The following CCDC171 variants were observed in gnomAD, a reference collection of about 807,000 sequenced individuals.
CCDC171 encodes coiled-coil domain-containing protein 171.
CCDC171 carries 177 observed loss-of-function variants against 168.2 expected under a neutral mutation model. The ratio of observed to expected loss-of-function variants is 1.05; its 90% CI spans 0.93 to 1.19. The LOEUF (loss-of-function observed/expected upper bound fraction) is 1.19. CCDC171 is among the 50% of genes most tolerant of loss of function. The probability of loss-of-function intolerance (pLI) is 0.00; values close to 1 mark genes in which losing one functional copy is unlikely to be tolerated. For missense variants in CCDC171, 1,991 were observed against 1,539.0 expected (o/e 1.29, Z -4.91); for synonymous variants, 687 against 540.8 (o/e 1.27, Z -3.75).
chr9:16,095,869 CATATATAT>C, the CCDC171 span, among the ~76,000 whole-genome samples: 3,976 of 123,822 alleles, frequency 0.032, 236 homozygotes, highest in African/African-American at 0.11. Flanking sequence ...CACATAGGCA[CATATATAT>C]ATATATATAT....
At chr9:15,556,849 T>C (rs2038843463) in intron 1 of CCDC171, among the ~76,000 whole-genome samples, 1 of 152,172 alleles carries the variant, frequency 6.6e-6, no homozygotes, top group African/African-American at 2.4e-5. Context: ...GCCTAGATTT[T>C]CTTCTAGGGT....
chr9:15,777,327 A>C lies in CCDC171; in HGVS notation c.2672-273A>C, dbSNP rs553735206. ...TGTTAGGTTTTAAAACAAAGAAAAG[A>C]GTGATGAATTTTTAGTGTCATGCTA... On this transcript the variant is annotated intron_variant, in intron 18 of 25. Transcript: ENST00000380701. Among the ~76,000 whole-genome samples, 247 of 152,338 alleles carry C rather than the reference A, an allele frequency of 1.6e-3. 2 individuals are homozygous for C. The highest frequency in any genetic ancestry group is 3.4e-3 in the Middle Eastern group (1 of 294).
intron 1 of CCDC171, among the ~76,000 whole-genome samples, chr9:15,558,249 C>G (rs1479342271): frequency 6.6e-6 from 1 of 152,122 alleles, no homozygotes; most frequent in Non-Finnish European, 1.5e-5. Flanking sequence ...ATGCTGGCCT[C>G]ATAAAATGAA....
At chr9:15,701,319 A>G (rs1217422940) in intron 11 of CCDC171, among the ~76,000 whole-genome samples, 3 of 152,094 alleles carry the variant, frequency 2.0e-5, no homozygotes, top group Non-Finnish European at 4.4e-5. Flanking sequence ...CTTTGCCTAG[A>G]TCAGTGTCCT....
chr9:15,891,168 A>G (rs533966643), intron 24 of CCDC171, among the ~76,000 whole-genome samples: 25 of 152,324 alleles, frequency 1.6e-4, no homozygotes, highest in African/African-American at 5.8e-4. Flanking sequence ...ATTCATAAAT[A>G]AAACTAACAG....
intron 11 of CCDC171, among the ~76,000 whole-genome samples, chr9:15,703,534 A>G (rs1316881031): frequency 1.3e-5 from 2 of 152,140 alleles, no homozygotes; most frequent in Non-Finnish European, 2.9e-5. Context: ...TGCCAGGCTT[A>G]TTTCACTTAA....
At chr9:16,106,258 C>G in the CCDC171 span, among the ~76,000 whole-genome samples, 2 of 152,144 alleles carry the variant, frequency 1.3e-5, no homozygotes, top group South Asian at 2.1e-4. Flanking sequence ...CTTTTTTGTT[C>G]TCTCCTCAAA....
the CCDC171 span, among the ~76,000 whole-genome samples, chr9:16,102,069 T>C: frequency 6.6e-6 from 1 of 152,200 alleles, no homozygotes; most frequent in Non-Finnish European, 1.5e-5. Context: ...CTGGCAGCCC[T>C]CCCTGCATCC....
At chr9:15,559,751 G>A (rs571594810) in intron 1 of CCDC171, among the ~76,000 whole-genome samples, 1 of 152,072 alleles carries the variant, frequency 6.6e-6, no homozygotes, top group African/African-American at 2.4e-5. Flanking sequence ...ATATTGGTAT[G>A]TGTGAATTTG....
chr9:16,075,693 C>G, the CCDC171 span, among the ~76,000 whole-genome samples: 11 of 152,078 alleles, frequency 7.2e-5, no homozygotes, highest in African/African-American at 2.7e-4. Flanking sequence ...TCTATCAGGC[C>G]ACAGCTTTAG....
At chr9:15,608,639 G>C (rs1182193138) in intron 6 of CCDC171, among the ~76,000 whole-genome samples, 3 of 151,474 alleles carry the variant, frequency 2.0e-5, no homozygotes, top group African/African-American at 7.3e-5. Flanking sequence ...TGGATTTTTG[G>C]GTATATTTTT....
chr9:15,987,703 G>C (rs1237036060), intron 3 of CCDC171, among the ~76,000 whole-genome samples: 1 of 152,144 alleles, frequency 6.6e-6, no homozygotes, highest in Non-Finnish European at 1.5e-5. Context: ...CAAAATACAG[G>C]TTGAGTATCC....
chr9:16,064,613 G>A (rs1833972130), downstream of CCDC171, among the ~76,000 whole-genome samples: 1 of 152,266 alleles, frequency 6.6e-6, no homozygotes, highest in South Asian at 2.1e-4. Flanking sequence ...CTCTCAATGA[G>A]GATCTTTGTG....
exon 1 of CCDC171, chr9:16,042,854 T>C (rs1027035041): frequency 1.3e-5 from 2 of 152,178 alleles, no homozygotes; most frequent in Non-Finnish European, 2.9e-5. Flanking sequence ...CCAGATAAAC[T>C]GAATGCTTCC....
Position 15,841,659 on chromosome 9 carries a change from C to T in CCDC171, c.3268-5043C>T, listed in dbSNP as rs530794392. On this transcript the variant is annotated intron_variant, in intron 21 of 25. Transcript: ENST00000380701. ...CATATAAAATATAAGATACCAAGAT[C>T]GAAATTTATTCAGATATAAACTGTA... is the stretch of plus-strand genomic sequence containing the variant. 3.9e-5 allele frequency among the ~76,000 whole-genome samples: 6 copies of T among 151,930 alleles called. No individual in the cohort carries two copies. The South Asian group carries it at 8.3e-4, about 21-fold the overall frequency.
At chr9:16,009,894 C>G (rs1204128547) in intron 3 of CCDC171, among the ~76,000 whole-genome samples, 1 of 152,102 alleles carries the variant, frequency 6.6e-6, no homozygotes, top group Non-Finnish European at 1.5e-5. Flanking sequence ...TCTCTGAGAT[C>G]TAAAAAATGC....
intron 18 of CCDC171, among the ~76,000 whole-genome samples, chr9:15,768,258 C>T (rs1049422687): frequency 1.3e-5 from 2 of 151,860 alleles, no homozygotes; most frequent in Non-Finnish European, 1.5e-5. Context: ...CCCAAAACTT[C>T]CTTCTGAAAA....
chr9:15,999,192 CAGAG>C (rs768033128), intron 3 of CCDC171, among the ~76,000 whole-genome samples: 1 of 136,608 alleles, frequency 7.3e-6, no homozygotes, highest in Non-Finnish European at 1.5e-5. Flanking sequence ...GCCTGGGTGA[CAGAG>C]AGAGACCCTT....
intron 4 of CCDC171, among the ~76,000 whole-genome samples, chr9:15,586,515 A>G (rs1337326147): frequency 7.9e-5 from 12 of 152,194 alleles, no homozygotes; most frequent in Admixed American, 7.9e-4. Context: ...ATTCTTAGTC[A>G]AAAGGCTTAT....
Sources: allele counts gnomAD v4.1 joint callset (sites outside exome capture counted in the v4.1 genomes callset), GRCh38; gene constraint gnomAD v4.1.1; transcripts MANE v1.5; gene names NCBI Gene and HGNC (gene_info 2026-07-23, HGNC 2026-07-21).